Variants in NARS2 observed in about 807,000 individuals in gnomAD.
The protein encoded by NARS2 is asparaginyl-tRNA synthetase 2, mitochondrial.
NARS2 carries 60 observed loss-of-function variants against 62.9 expected under a neutral mutation model. That is an observed-to-expected ratio of 0.95 (90% confidence interval 0.77 to 1.18). NARS2 has a LOEUF of 1.18. NARS2 is among the 50% of genes most tolerant of loss of function. NARS2 has a pLI of 0.00. For missense variants in NARS2, 619 were observed against 576.4 expected (o/e 1.07, Z -0.76); for synonymous variants, 196 against 200.0 (o/e 0.98, Z 0.17).
intron 5 of NARS2, among the ~76,000 whole-genome samples, chr11:78,548,229 T>C (rs1439168081): frequency 1.3e-5 from 2 of 152,080 alleles, no homozygotes; most frequent in East Asian, 3.9e-4. Flanking sequence ...AAACAAAAAA[T>C]AAAACCAGCT....
chr11:78,465,756 A>G, intron 11 of NARS2, 120 bp downstream of exon 11: 1 of 1,175,572 alleles, frequency 8.5e-7, no homozygotes, highest in South Asian at 1.5e-5. Flanking sequence ...GATGTCTTTG[A>G]AAAACATTAT....
intron 6 of NARS2, among the ~76,000 whole-genome samples, chr11:78,496,685 G>A (rs776550986): frequency 1.1e-4 from 16 of 152,060 alleles, no homozygotes; most frequent in Non-Finnish European, 2.4e-4. Flanking sequence ...CTTGTTTTAC[G>A]TGTTAAAATA....
intron 6 of NARS2, among the ~76,000 whole-genome samples, chr11:78,512,196 C>T (rs571375352): frequency 1.3e-5 from 2 of 152,326 alleles, no homozygotes; most frequent in Admixed American, 6.5e-5. Context: ...TTAATTCTTT[C>T]CTCCATTCCA....
intron 7 of NARS2, among the ~76,000 whole-genome samples, chr11:78,484,096 A>G (rs1314964212): frequency 6.6e-6 from 1 of 152,178 alleles, no homozygotes; most frequent in Non-Finnish European, 1.5e-5. Context: ...CACATCTACA[A>G]CCATTTGATT....
intron 6 of NARS2, among the ~76,000 whole-genome samples, chr11:78,493,901 T>C (rs1033837967): frequency 6.6e-6 from 1 of 151,962 alleles, no homozygotes; most frequent in African/African-American, 2.4e-5. Context: ...ACAGAAAATC[T>C]AGATAATAAC....
At chr11:78,513,583 G>C (rs1362675903) in intron 6 of NARS2, among the ~76,000 whole-genome samples, 1 of 152,050 alleles carries the variant, frequency 6.6e-6, no homozygotes, top group Non-Finnish European at 1.5e-5. Context: ...TTTGAGACCT[G>C]CCTGGTCAAC....
chr11:78,467,477 G>A (rs1001180366), intron 10 of NARS2, among the ~76,000 whole-genome samples: 6 of 152,082 alleles, frequency 3.9e-5, no homozygotes, highest in African/African-American at 1.4e-4. Context: ...GGTGGAATCT[G>A]CAGTGAGCCA....
chr11:78,506,456 A>G (rs1379302256), intron 6 of NARS2, among the ~76,000 whole-genome samples: 4 of 152,210 alleles, frequency 2.6e-5, no homozygotes, highest in Non-Finnish European at 2.9e-5. Flanking sequence ...GATTGACAGT[A>G]TTTTGGGAAG....
intron 6 of NARS2, among the ~76,000 whole-genome samples, chr11:78,508,491 A>C (rs746411523): frequency 1.3e-5 from 2 of 152,016 alleles, no homozygotes; most frequent in Non-Finnish European, 2.9e-5. Context: ...CAAGAGGCTA[A>C]GGCAGGAGAA....
At chr11:78,558,906 T>C (rs552042257) in intron 5 of NARS2, among the ~76,000 whole-genome samples, 1 of 152,344 alleles carries the variant, frequency 6.6e-6, no homozygotes, top group Admixed American at 6.5e-5. Context: ...AACTGTGGAT[T>C]GAATCTGCGT....
intron 6 of NARS2, among the ~76,000 whole-genome samples, chr11:78,509,985 T>C (rs1020135654): frequency 2.0e-5 from 3 of 151,966 alleles, no homozygotes; most frequent in Non-Finnish European, 4.4e-5. Context: ...CTATAGAATA[T>C]ATGCAAAAGA....
intron 6 of NARS2, among the ~76,000 whole-genome samples, chr11:78,525,988 G>T: frequency 6.6e-6 from 1 of 152,068 alleles, no homozygotes; most frequent in Non-Finnish European, 1.5e-5. Flanking sequence ...TTGAGAAACT[G>T]TAATAGAATG....
At chr11:78,463,904 G>A (rs573023396) in intron 11 of NARS2, among the ~76,000 whole-genome samples, 1 of 152,210 alleles carries the variant, frequency 6.6e-6, no homozygotes, top group Admixed American at 6.5e-5. Context: ...AGCAGTCTAA[G>A]CCTCCTCCTG....
intron 6 of NARS2, among the ~76,000 whole-genome samples, chr11:78,493,961 A>G (rs1443376054): frequency 6.6e-6 from 1 of 152,208 alleles, no homozygotes; most frequent in African/African-American, 2.4e-5. Context: ...TTATTTTTTA[A>G]ACACAAGAAA....
chr11:78,472,346 T>A (rs1410537782), intron 9 of NARS2, among the ~76,000 whole-genome samples: 1 of 152,220 alleles, frequency 6.6e-6, no homozygotes, highest in Non-Finnish European at 1.5e-5. Context: ...ACATTTTTCA[T>A]TGCTGAATAA....
rs117890267 is a variant in NARS2 at position 78,549,005 on chromosome 11, A to G, written c.594+10534T>C. ...ACCCCCCAATTAGAGCCAAGATCAC[A>G]GGGCTCTAGCAAGAGGGGCAGCATG... On this transcript the variant is annotated intron_variant, in intron 5 of 13. Coordinates refer to ENST00000281038, the MANE Select transcript of NARS2 (RefSeq NM_024678.6). Among the ~76,000 whole-genome samples the G allele has an allele frequency of 7.2e-3, 1,094 of 152,286 alleles. 5 individuals are homozygous for G. Among genetic ancestry groups the G allele is most frequent in the Non-Finnish European group, 0.012 (816 of 68,016 alleles).
intron 5 of NARS2, among the ~76,000 whole-genome samples, chr11:78,538,135 G>A (rs1855440566): frequency 6.6e-6 from 1 of 152,104 alleles, no homozygotes; most frequent in African/African-American, 2.4e-5. Context: ...TCACTTAGCA[G>A]CAGTCTTGGC....
intron 7 of NARS2, among the ~76,000 whole-genome samples, chr11:78,488,765 A>G (rs1417395879): frequency 6.6e-6 from 1 of 152,230 alleles, no homozygotes; most frequent in African/African-American, 2.4e-5. Context: ...AATACGGAAC[A>G]GAATAGAGGA....
At chr11:78,444,546 C>T (rs764695034) in intron 11 of NARS2, among the ~76,000 whole-genome samples, 2 of 151,898 alleles carry the variant, frequency 1.3e-5, no homozygotes, top group African/African-American at 2.4e-5. Context: ...GGTACAACCC[C>T]CGTCTCTACT....
Sources: gnomAD v4.1 joint callset for allele counts (sites outside exome capture counted in the v4.1 genomes callset) on GRCh38, gnomAD v4.1.1 for gene constraint, MANE v1.5 for transcripts, NCBI Gene and HGNC (gene_info 2026-07-23, HGNC 2026-07-21) for gene names.